Variants in OR5P3 observed in about 807,000 individuals in gnomAD.
The protein encoded by OR5P3 is olfactory receptor 5P3.
For synonymous variants in OR5P3, 172 were observed against 141.8 expected (o/e 1.21, Z -1.51); for missense variants, 415 against 375.6 (o/e 1.10, Z -0.87).
Position 7,825,957 on chromosome 11 carries a change from C to T in OR5P3, c.16G>A (p.Asp6Asn). The T allele has an allele frequency of 6.5e-7, 1 of 1,547,398 alleles. No individual in the cohort carries two copies. MGTGNDTTVVEFTLLG... is the reference protein window; with the variant it reads MGTGNNTTVVEFTLLG... ...AGAGTAAACTCTACCACAGTGGTGTCATTTCCAGTCCCCATCTATATTGGG... is the reference window on the plus strand; with the variant it reads ...AGAGTAAACTCTACCACAGTGGTGTTATTTCCAGTCCCCATCTATATTGGG... Residue 6 changes from aspartate (D) to asparagine (N), a missense_variant, in exon 2 of 2, where the codon GAC becomes AAC. Physicochemically the swap from Asp to Asn is conservative, Grantham distance 23. Transcript: ENST00000641167.
rs771913202 is a variant in OR5P3 at position 7,825,904 on chromosome 11, A to G, written c.69T>C (p.Val23=). 1.9e-6 allele frequency: 3 copies of G among 1,607,124 alleles called. No homozygotes were observed. The highest frequency in any genetic ancestry group is 2.6e-6 in the Non-Finnish European group (3 of 1,174,970). Residue 23 remains valine (V), a synonymous_variant, in exon 2 of 2, where the codon GTT becomes GTC. Transcript: ENST00000641167. ...GAAACACAAGAAATAAAATAGCACAAACTGTAGTATCCTCAGATAACCCCA... is the reference window on the plus strand; with the variant it reads ...GAAACACAAGAAATAAAATAGCACAGACTGTAGTATCCTCAGATAACCCCA... The part of the protein sequence containing the change: ...TLLGLSEDTT[V]CAILFLVFLG...
Position 7,825,204 on chromosome 11 carries a change from A to C in OR5P3, c.769T>G (p.Phe257Val). 1 of 1,612,866 alleles carries C rather than the reference A, an allele frequency of 6.2e-7. No individual in the cohort carries two copies. Among genetic ancestry groups the C allele is most frequent in the Non-Finnish European group, 8.5e-7 (1 of 1,180,030 alleles). Residue 257 changes from phenylalanine (F) to valine (V), a missense_variant, in exon 2 of 2, where the codon TTC becomes GTC. Phe to Val is a conservative substitution (Grantham distance 50). Coordinates refer to ENST00000641167, the MANE Select transcript of OR5P3 (RefSeq NM_153445.2). ...CTGGACTTGGGCATCACATAAATGA[A>C]GGTAATGGTCCCATAGAACAGAGTG... Reference protein sequence around the residue: ...AVTLFYGTITFIYVMPKSSYS... With the variant: ...AVTLFYGTITVIYVMPKSSYS...
At chr11:7,827,990 A>G (rs2085733) in intron 1 of OR5P3, among the ~76,000 whole-genome samples, 94,425 of 151,962 alleles carry the variant, frequency 0.62, 30,259 homozygotes, top group South Asian at 0.75. Flanking sequence ...GCAAATGCAT[A>G]AGGAGAGAAA....
At chr11:7,827,777 G>A (rs753851279) in intron 1 of OR5P3, among the ~76,000 whole-genome samples, 8 of 152,152 alleles carry the variant, frequency 5.3e-5, no homozygotes, top group East Asian at 1.9e-4. Flanking sequence ...CTCTAACAAC[G>A]GGAGAGACAG....
At position 7,825,642 on chromosome 11, in the gene OR5P3, C is replaced by A; in HGVS notation, c.331G>T (p.Glu111Ter). 1 of 1,613,062 alleles carries A rather than the reference C, an allele frequency of 6.2e-7. No individual in the cohort carries two copies. The highest frequency in any genetic ancestry group is 8.5e-7 in the Non-Finnish European group (1 of 1,180,010). The part of the protein sequence containing the change: ...LCSVVTFGTA[E>*]CFLLAAMAYD... ...GCCATGGCAGCCAGCAGGAAGCACT[C>A]GGCCGTACCAAACGTCACTACAGAA... Residue 111 changes from glutamate (E) to a stop codon, truncating the protein, a stop_gained, in exon 2 of 2, where the codon GAG (glutamate) becomes TAG (stop). Transcript: ENST00000641167. LOFTEE classifies it low-confidence loss of function (END_TRUNC).
intron 1 of OR5P3, among the ~76,000 whole-genome samples, chr11:7,829,853 C>T (rs886435892): frequency 2.0e-5 from 3 of 151,872 alleles, no homozygotes; most frequent in African/African-American, 4.8e-5. Context: ...ACAGAGGGAG[C>T]CAAAAGAGGT....
rs773744366 is a variant in OR5P3, at chr11:7,826,011, G to A, written c.-21-18C>T. 5.5e-6 allele frequency: 6 copies of A among 1,093,922 alleles called. No homozygotes were observed. Among genetic ancestry groups the A allele is most frequent in the Non-Finnish European group, 7.9e-6 (6 of 756,628 alleles). 67.8% of individuals were successfully genotyped at this position (1,093,922 alleles called of 1,614,324 possible). A position where few individuals can be genotyped will look rare whatever the true frequency, so the allele number is the denominator to read the frequency against. On this transcript the variant is annotated intron_variant, in intron 1 of 1. Transcript: ENST00000641167. ...GGTGCCAACTGAAAGAAAAACAAATGAATATTATAATGGGATTAAATGCTA... is the reference window on the plus strand; with the variant it reads ...GGTGCCAACTGAAAGAAAAACAAATAAATATTATAATGGGATTAAATGCTA...
In OR5P3 at chr11:7,825,892, TA is replaced by T. The variant is rs1564832302; in HGVS notation, c.80del (p.Leu27TyrfsTer6). The T allele has an allele frequency of 6.2e-7, 1 of 1,608,508 alleles. No individual in the cohort carries two copies. Among genetic ancestry groups the T allele is most frequent in the East Asian group, 2.2e-5 (1 of 44,876 alleles). On this transcript the variant is annotated frameshift_variant, in exon 2 of 2. Coordinates refer to ENST00000641167, the MANE Select transcript of OR5P3 (RefSeq NM_153445.2). LOFTEE classifies it low-confidence loss of function (END_TRUNC). ...LSEDTTVCAI[L>X]FLVFLGIYVV... Reference sequence around the variant, plus strand: ...CATAAATTCCTAGAAACACAAGAAATAAAATAGCACAAACTGTAGTATCCTC... The same window carrying T: ...CATAAATTCCTAGAAACACAAGAAATAAATAGCACAAACTGTAGTATCCTC...
chr11:7,829,285 T>C (rs1268172379), intron 1 of OR5P3, among the ~76,000 whole-genome samples: 1 of 152,074 alleles, frequency 6.6e-6, no homozygotes, highest in African/African-American at 2.4e-5. Flanking sequence ...GTTGGGAATA[T>C]GAGTAAAGAG....
At chr11:7,829,154 A>T (rs940144193) in intron 1 of OR5P3, among the ~76,000 whole-genome samples, 3 of 152,118 alleles carry the variant, frequency 2.0e-5, no homozygotes, top group African/African-American at 7.2e-5. Context: ...TGGGTAATAG[A>T]AGTTGGGATT....
chr11:7,827,018 C>T (rs1589932047), intron 1 of OR5P3, among the ~76,000 whole-genome samples: 2 of 152,216 alleles, frequency 1.3e-5, no homozygotes, highest in Admixed American at 1.3e-4. Flanking sequence ...CCACTCGATT[C>T]TCTCACTTTA....
At chr11:7,829,873 G>A (rs1345690545) in intron 1 of OR5P3, among the ~76,000 whole-genome samples, 14 of 152,138 alleles carry the variant, frequency 9.2e-5, no homozygotes, top group Admixed American at 9.2e-4. Flanking sequence ...TGCTATAGCT[G>A]ATAAGATAAA....
chr11:7,825,829 C>T lies in OR5P3; in HGVS notation c.144G>A (p.Leu48=). 6.2e-7 allele frequency: 1 copy of T among 1,613,006 alleles called. No homozygotes were observed. Among genetic ancestry groups the T allele is most frequent in the Non-Finnish European group, 8.5e-7 (1 of 1,179,952 alleles). ...TLMGNISIIV[L]IRRSHHLHTP... ...TATGAAGATGATGACTTCTTCTGAT[C>T]AATACAATTATGCTGATATTACCCA... The change falls in exon 2 of 2, where the codon TTG becomes TTA. Residue 48 remains leucine, a synonymous_variant. Coordinates refer to ENST00000641167, the MANE Select transcript of OR5P3 (RefSeq NM_153445.2).
intron 1 of OR5P3, among the ~76,000 whole-genome samples, chr11:7,828,695 G>C (rs867698127): frequency 6.6e-6 from 1 of 152,080 alleles, no homozygotes; most frequent in South Asian, 2.1e-4. Context: ...AAATCCTGGA[G>C]TTAAAAAAAC....
At chr11:7,829,793 A>G (rs1857787970) in intron 1 of OR5P3, among the ~76,000 whole-genome samples, 3 of 152,134 alleles carry the variant, frequency 2.0e-5, no homozygotes, top group Admixed American at 6.6e-5. Flanking sequence ...TTTTTTTAAA[A>G]AAGTAGAGAG....
At position 7,824,945 on chromosome 11, in the gene OR5P3, G is replaced by A. The variant is rs913221324; in HGVS notation, c.*92C>T. 1 of 1,029,656 alleles carries A rather than the reference G, an allele frequency of 9.7e-7. No individual in the cohort carries two copies. Among genetic ancestry groups the A allele is most frequent in the African/African-American group, 1.7e-5 (1 of 60,600 alleles). The allele number at this position is 1,029,656 out of a possible 1,614,324, so 63.8% of individuals were successfully genotyped here. ...GCTCCACACTGGGTAATGGTCTATG[G>A]ACAGATAAATTTTGACCACAAACAC... On this transcript the variant is annotated 3_prime_UTR_variant, in exon 2 of 2. Transcript: ENST00000641167.
At position 7,824,821 on chromosome 11, in the gene OR5P3, C is replaced by T. The variant is rs1857710781; in HGVS notation, c.*216G>A. On this transcript the variant is annotated 3_prime_UTR_variant, in exon 2 of 2. Coordinates refer to ENST00000641167, the MANE Select transcript of OR5P3 (RefSeq NM_153445.2). ...TTTTTCATGTGAAACTATTTGCATT[C>T]TCAATTATAAATTTAATTAAATTTT... 2 of 321,160 alleles carry T rather than the reference C, an allele frequency of 6.2e-6. No individual in the cohort carries two copies. The highest frequency in any genetic ancestry group is 9.2e-5 in the Admixed American group (2 of 21,734). 19.9% of individuals were successfully genotyped at this position (321,160 alleles called of 1,614,324 possible). A position where few individuals can be genotyped will look rare whatever the true frequency, so the allele number is the denominator to read the frequency against.
At chr11:7,827,161 ATCTT>A (rs1857752967) in intron 1 of OR5P3, among the ~76,000 whole-genome samples, 1 of 152,224 alleles carries the variant, frequency 6.6e-6, no homozygotes, top group African/African-American at 2.4e-5. Flanking sequence ...TTCATTTACT[ATCTT>A]TATTTCACAT....
At chr11:7,830,315 A>G (rs1402570217) in intron 1 of OR5P3, among the ~76,000 whole-genome samples, 1 of 152,180 alleles carries the variant, frequency 6.6e-6, no homozygotes, top group African/African-American at 2.4e-5. Context: ...TAACTGATCA[A>G]TATCATGCTA....
Sources: gnomAD v4.1 joint callset for allele counts (sites outside exome capture counted in the v4.1 genomes callset) on GRCh38, gnomAD v4.1.1 for gene constraint, MANE v1.5 for transcripts, NCBI Gene and HGNC (gene_info 2026-07-23, HGNC 2026-07-21) for gene names.